Variants in UBE2D2 observed in about 807,000 individuals in gnomAD.
UBE2D2 encodes ubiquitin-conjugating enzyme E2 D2.
Under a neutral mutation model 24.2 loss-of-function variants are expected in UBE2D2, and 2 were observed. That is an observed-to-expected ratio of 0.08 (90% CI 0.03 to 0.26). The LOEUF (loss-of-function observed/expected upper bound fraction) is 0.26, where lower values mean the gene tolerates loss of function less well. Among genes scored for constraint, UBE2D2 ranks in the 10% least tolerant of loss-of-function variants. The probability of loss-of-function intolerance (pLI) is 1.00; values close to 1 mark genes in which losing one functional copy is unlikely to be tolerated. For missense variants in UBE2D2, 44 were observed against 177.6 expected (o/e 0.25, Z 4.28); for synonymous variants, 58 against 56.5 (o/e 1.03, Z -0.12).
At chr5:139,613,896 T>C (rs1239406631) in intron 2 of UBE2D2, among the ~76,000 whole-genome samples, 5 of 152,102 alleles carry the variant, frequency 3.3e-5, no homozygotes, top group East Asian at 3.9e-4. Context: ...ACCTTGTCTC[T>C]ACTAAAAATA....
chr5:139,592,756 C>T (rs1037253921), intron 1 of UBE2D2, among the ~76,000 whole-genome samples: 7 of 151,100 alleles, frequency 4.6e-5, no homozygotes, highest in African/African-American at 1.5e-4. Context: ...GCACGTGCCA[C>T]GATGCCCGGC....
At chr5:139,564,176 A>G (rs1258832881) in intron 1 of UBE2D2, among the ~76,000 whole-genome samples, 1 of 152,086 alleles carries the variant, frequency 6.6e-6, no homozygotes, top group African/African-American at 2.4e-5. Context: ...TTTGGGGGAT[A>G]GAGTTTCAGT....
intron 5 of UBE2D2, among the ~76,000 whole-genome samples, chr5:139,615,829 A>ATTTTTTTTTTTTTTTT (rs200247238): frequency 1.0e-5 from 1 of 95,432 alleles, no homozygotes; most frequent in Non-Finnish European, 2.0e-5. Flanking sequence ...AATAATCTAG[A>ATTTTTTTTTTTTTTTT]TTTTTTTTTT....
At chr5:139,613,830 T>C (rs355157) in intron 2 of UBE2D2, among the ~76,000 whole-genome samples, 62,548 of 151,966 alleles carry the variant, frequency 0.41, 15,860 homozygotes, top group African/African-American at 0.72. Flanking sequence ...TTTGGGAGGC[T>C]GAGGTGGGTG....
intron 2 of UBE2D2, among the ~76,000 whole-genome samples, chr5:139,606,416 G>A (rs1329530939): frequency 6.6e-6 from 1 of 152,078 alleles, no homozygotes; most frequent in Non-Finnish European, 1.5e-5. Context: ...ACCCACCTCG[G>A]CCTCCCAAAC....
At chr5:139,573,802 C>T (rs1224468367) in intron 1 of UBE2D2, among the ~76,000 whole-genome samples, 3 of 151,772 alleles carry the variant, frequency 2.0e-5, no homozygotes, top group African/African-American at 7.3e-5. Context: ...ACCCCATCTC[C>T]ACTAAAAATA....
Position 139,576,989 on chromosome 5 carries a change from TTA to T in UBE2D2, c.24+15176_24+15177del, listed in dbSNP as rs1349908834. Among the ~76,000 whole-genome samples, 40 of 150,412 alleles carry T rather than the reference TTA, an allele frequency of 2.7e-4. 1 individual carries two copies. The highest frequency in any genetic ancestry group is 2.1e-4 in the South Asian group (1 of 4,742). On this transcript the variant is annotated intron_variant, in intron 1 of 6. Transcript: ENST00000398733. ...TGAATTTTTTTTTTTTTTTTTGCTC[TTA>T]TGTTATTCATATGAATTTTGCAAAT...
chr5:139,614,025 G>A (rs964942040), intron 2 of UBE2D2, among the ~76,000 whole-genome samples: 2 of 144,328 alleles, frequency 1.4e-5, no homozygotes, highest in Non-Finnish European at 3.0e-5. Context: ...TTGCGCCAGC[G>A]CACTCCAGCC....
intron 5 of UBE2D2, among the ~76,000 whole-genome samples, chr5:139,616,112 G>T (rs1288564884): frequency 6.7e-6 from 1 of 150,344 alleles, no homozygotes; most frequent in African/African-American, 2.4e-5. Flanking sequence ...GGGATTACAG[G>T]CATGAGCCAC....
rs1754660525 is a variant in UBE2D2 at position 139,627,651 on chromosome 5, T to TA, written c.*852dup. 1.3e-5 allele frequency: 2 copies of TA among 152,810 alleles called. No homozygotes were observed. The highest frequency in any genetic ancestry group is 3.9e-4 in the East Asian group (2 of 5,192). 9.5% of individuals were successfully genotyped at this position (152,810 alleles called of 1,614,324 possible). ...TGGAGCTTGTACTTTCAAGAATGAT[T>TA]AATCTGTGTAATAAACTGGTTACTA... On this transcript the variant is annotated 3_prime_UTR_variant, in exon 7 of 7. Coordinates refer to ENST00000398733, the MANE Select transcript of UBE2D2 (RefSeq NM_003339.3).
Position 139,599,758 on chromosome 5 carries a change from C to CA in UBE2D2, c.25-606dup, listed in dbSNP as rs753190604. Among the ~76,000 whole-genome samples, 194 of 151,224 alleles carry CA rather than the reference C, an allele frequency of 1.3e-3. 2 individuals carry two copies. In the East Asian group the frequency reaches 0.027, roughly 21 times the overall value. On this transcript the variant is annotated intron_variant, in intron 1 of 6. Transcript: ENST00000398733. ...TCTCAAAAAACAAACAACAAACAAA[C>CA]AAAAAAAACAGTATTTTTGGCTCTT...
intron 1 of UBE2D2, among the ~76,000 whole-genome samples, chr5:139,551,668 C>T (rs1183530858): frequency 1.3e-5 from 2 of 152,234 alleles, no homozygotes; most frequent in Non-Finnish European, 2.9e-5. Context: ...GAGACAAGAT[C>T]TCTGCCCTCC....
intron 1 of UBE2D2, among the ~76,000 whole-genome samples, chr5:139,574,990 A>C (rs1753436961): frequency 1.3e-5 from 2 of 152,228 alleles, no homozygotes; most frequent in Non-Finnish European, 1.5e-5. Flanking sequence ...GAAACAACTC[A>C]GATATCCATC....
intron 6 of UBE2D2, among the ~76,000 whole-genome samples, chr5:139,626,326 T>A (rs1423441721): frequency 6.6e-6 from 1 of 152,202 alleles, no homozygotes; most frequent in Non-Finnish European, 1.5e-5. Context: ...CGACTCAGCC[T>A]CCCAAAGTGC....
chr5:139,615,061 A>G, intron 5 of UBE2D2, 95 bp downstream of exon 5: 1 of 1,214,296 alleles, frequency 8.2e-7, no homozygotes, highest in Non-Finnish European at 1.2e-6. Flanking sequence ...GTTTCTTTTA[A>G]GAAGAGATAG....
intron 1 of UBE2D2, among the ~76,000 whole-genome samples, chr5:139,554,431 A>C (rs1006393076): frequency 2.0e-5 from 3 of 152,200 alleles, no homozygotes; most frequent in Non-Finnish European, 4.4e-5. Context: ...ATTTAATGGA[A>C]TCATACAGCC....
intron 1 of UBE2D2, among the ~76,000 whole-genome samples, chr5:139,540,536 A>T (rs572188107): frequency 8.3e-6 from 1 of 121,116 alleles, no homozygotes; most frequent in Non-Finnish European, 1.6e-5. Context: ...ACAGAGCAAG[A>T]CTCCATCTCA....
At chr5:139,619,917 T>C (rs763883668) in intron 5 of UBE2D2, among the ~76,000 whole-genome samples, 7 of 152,086 alleles carry the variant, frequency 4.6e-5, no homozygotes, top group Non-Finnish European at 7.4e-5. Context: ...ACAGAAAGCA[T>C]GGCAGCATCT....
chr5:139,550,687 G>A (rs999317225), intron 1 of UBE2D2, among the ~76,000 whole-genome samples: 5 of 151,838 alleles, frequency 3.3e-5, no homozygotes, highest in African/African-American at 1.2e-4. Context: ...TCAATCCTGA[G>A]GCCACCGAGA....
Sources: allele counts gnomAD v4.1 joint callset (sites outside exome capture counted in the v4.1 genomes callset), GRCh38; gene constraint gnomAD v4.1.1; transcripts MANE v1.5; gene names NCBI Gene and HGNC (gene_info 2026-07-23, HGNC 2026-07-21).